Variants in OPCML observed in about 807,000 individuals in gnomAD.
OPCML encodes the protein opioid binding protein/cell adhesion molecule like, also known as opioid-binding protein/cell adhesion molecule.
In OPCML, 13 loss-of-function variants were observed where a neutral mutation model predicts 37.8. The ratio of observed to expected loss-of-function variants is 0.34; its 90% CI spans 0.22 to 0.55. The LOEUF is 0.55. Ranked by LOEUF, OPCML falls within the 20% of genes least tolerant of loss-of-function variation. OPCML has a pLI of 0.91. For synonymous variants in OPCML, 176 were observed against 168.8 expected, an observed-to-expected ratio of 1.04 and a Z score of -0.33; for missense variants, 341 against 435.6, an observed-to-expected ratio of 0.78 and a Z score of 1.93.
intron 1 of OPCML, among the ~76,000 whole-genome samples, chr11:133,203,874 C>T (rs538896698): frequency 5.3e-5 from 8 of 151,904 alleles, no homozygotes; most frequent in Non-Finnish European, 1.0e-4. Context: ...CTGGCTAACA[C>T]GGTGAAACCC....
At chr11:132,497,329 G>A (rs76263496) in intron 4 of OPCML, among the ~76,000 whole-genome samples, 1,802 of 149,724 alleles carry the variant, frequency 0.012, 39 homozygotes, top group African/African-American at 0.041. Context: ...GATGATCTGC[G>A]TAGCAAACCA....
At position 132,866,937 on chromosome 11, in the gene OPCML, T is replaced by G. The variant is rs56350419; in HGVS notation, c.146+75989A>C. 7.8e-3 allele frequency among the ~76,000 whole-genome samples: 1,189 copies of G among 152,334 alleles called. 23 individuals carry two copies. Among genetic ancestry groups the G allele is most frequent in the African/African-American group, 0.026 (1,083 of 41,568 alleles). On this transcript the variant is annotated intron_variant, in intron 2 of 7. Transcript: ENST00000524381. ...TTGTATTCACTGATCAACTTCTAAATGTGTGAGTAGTCACAGAAAGCTAGG... is the reference window on the plus strand; with the variant it reads ...TTGTATTCACTGATCAACTTCTAAAGGTGTGAGTAGTCACAGAAAGCTAGG...
intron 1 of OPCML, among the ~76,000 whole-genome samples, chr11:133,124,782 A>G (rs569392084): frequency 6.6e-6 from 1 of 152,264 alleles, no homozygotes; most frequent in Admixed American, 6.5e-5. Context: ...CATTTTCCTC[A>G]TAGTCTCCTT....
intron 3 of OPCML, among the ~76,000 whole-genome samples, chr11:132,613,994 T>C (rs1208049852): frequency 2.6e-5 from 4 of 152,046 alleles, no homozygotes; most frequent in Non-Finnish European, 5.9e-5. Context: ...AGATGACCAG[T>C]CAACAAAGTC....
chr11:132,891,285 C>T (rs985690772), intron 2 of OPCML, among the ~76,000 whole-genome samples: 1 of 152,136 alleles, frequency 6.6e-6, no homozygotes, highest in African/African-American at 2.4e-5. Context: ...CTGTTCCTCT[C>T]CTACCAGACC....
intron 2 of OPCML, among the ~76,000 whole-genome samples, chr11:132,845,123 A>G (rs575966406): frequency 6.6e-6 from 1 of 152,240 alleles, no homozygotes; most frequent in East Asian, 1.9e-4. Flanking sequence ...GGGAAGCCAC[A>G]AGCAGATCAC....
At chr11:133,315,618 G>T (rs1044646221) in intron 1 of OPCML, among the ~76,000 whole-genome samples, 1 of 152,182 alleles carries the variant, frequency 6.6e-6, no homozygotes. Flanking sequence ...GGTCAACATG[G>T]TGAATCCCTG....
At chr11:133,257,650 C>T (rs985723595) in intron 1 of OPCML, among the ~76,000 whole-genome samples, 1 of 152,174 alleles carries the variant, frequency 6.6e-6, no homozygotes, top group East Asian at 1.9e-4. Context: ...TCTCAGTGCC[C>T]TCTCTTCCTT....
chr11:132,931,815 A>G (rs2136632590), intron 2 of OPCML, among the ~76,000 whole-genome samples: 2 of 152,348 alleles, frequency 1.3e-5, no homozygotes, highest in East Asian at 3.9e-4. Context: ...GGATTCAAAC[A>G]GATATTTGTA....
chr11:133,482,770 A>T (rs1253104562), intron 1 of OPCML, among the ~76,000 whole-genome samples: 3 of 152,218 alleles, frequency 2.0e-5, no homozygotes, highest in African/African-American at 7.2e-5. Flanking sequence ...CAGCAAAGAT[A>T]GACACAGTAT....
chr11:133,107,692 G>C (rs1949182224), intron 1 of OPCML, among the ~76,000 whole-genome samples: 1 of 152,098 alleles, frequency 6.6e-6, no homozygotes, highest in African/African-American at 2.4e-5. Context: ...TTTTGACGTT[G>C]TCATTCCTTT....
chr11:132,970,857 C>T (rs1171178521), intron 1 of OPCML, among the ~76,000 whole-genome samples: 1 of 152,180 alleles, frequency 6.6e-6, no homozygotes, highest in Non-Finnish European at 1.5e-5. Context: ...CTCTTAGTTA[C>T]TATAGAATTT....
intron 3 of OPCML, among the ~76,000 whole-genome samples, chr11:132,614,043 G>C (rs1310572836): frequency 2.0e-5 from 3 of 152,046 alleles, no homozygotes; most frequent in Non-Finnish European, 2.9e-5. Flanking sequence ...GATAAAAGTA[G>C]AGATTGTATT....
chr11:132,786,147 T>C (rs28621812), intron 2 of OPCML, among the ~76,000 whole-genome samples: 1 of 152,198 alleles, frequency 6.6e-6, no homozygotes, highest in Non-Finnish European at 1.5e-5. Flanking sequence ...TTTCCCTTTG[T>C]TGGATTTCTC....
At chr11:133,024,014 T>C (rs767080930) in intron 1 of OPCML, among the ~76,000 whole-genome samples, 3 of 152,170 alleles carry the variant, frequency 2.0e-5, no homozygotes, top group Non-Finnish European at 4.4e-5. Context: ...CCAGAGCTAA[T>C]TGTTGCGCAG....
intron 2 of OPCML, among the ~76,000 whole-genome samples, chr11:132,663,756 A>G (rs1028052871): frequency 4.6e-5 from 7 of 152,252 alleles, no homozygotes; most frequent in Non-Finnish European, 1.0e-4. Flanking sequence ...GGAACCCAGA[A>G]GGGCAGGCCT....
chr11:132,434,797 CA>C (rs1170999873), intron 7 of OPCML, among the ~76,000 whole-genome samples: 2 of 152,144 alleles, frequency 1.3e-5, no homozygotes, highest in Non-Finnish European at 2.9e-5. Flanking sequence ...GTGACGTCCC[CA>C]CTGAGACAGT....
chr11:132,657,710 A>G (rs1270180007), intron 2 of OPCML, among the ~76,000 whole-genome samples: 1 of 152,194 alleles, frequency 6.6e-6, no homozygotes, highest in African/African-American at 2.4e-5. Flanking sequence ...CAAATAGGTC[A>G]CAGATAACCC....
At chr11:133,236,624 A>T (rs1940528941) in intron 1 of OPCML, among the ~76,000 whole-genome samples, 1 of 152,230 alleles carries the variant, frequency 6.6e-6, no homozygotes, top group Non-Finnish European at 1.5e-5. Flanking sequence ...AAAGAAATCA[A>T]TGTATGTTAT....
Sources: allele counts gnomAD v4.1 joint callset (sites outside exome capture counted in the v4.1 genomes callset), GRCh38; gene constraint gnomAD v4.1.1; transcripts MANE v1.5; gene names NCBI Gene and HGNC (gene_info 2026-07-23, HGNC 2026-07-21).